Variants in CTNNA2 observed in about 807,000 individuals in gnomAD.
CTNNA2 encodes catenin alpha-2.
Under a neutral mutation model 101.0 loss-of-function variants are expected in CTNNA2, and 42 were observed. The observed-to-expected ratio is 0.42, with a 90% CI of 0.32 to 0.54. CTNNA2 has a LOEUF of 0.54. CTNNA2 is among the 20% of genes least tolerant of loss of function. CTNNA2 has a pLI of 0.14. For missense variants in CTNNA2, 871 were observed against 1,223.1 expected (o/e 0.71, Z 4.29); for synonymous variants, 450 against 456.4 (o/e 0.99, Z 0.18).
chr2:80,516,760 A>T (rs1170717084), intron 9 of CTNNA2, among the ~76,000 whole-genome samples: 1 of 152,196 alleles, frequency 6.6e-6, no homozygotes, highest in African/African-American at 2.4e-5. Context: ...CAAGGACAGA[A>T]TTTGGTCTCA....
intron 1 of CTNNA2, among the ~76,000 whole-genome samples, chr2:79,534,778 T>TA (rs1222192596): frequency 6.6e-6 from 1 of 152,082 alleles, no homozygotes; most frequent in African/African-American, 2.4e-5. Context: ...CTGTGTTTTA[T>TA]ATAGCTTTCC....
chr2:79,315,915 C>T (rs909993431), intron 3 of CTNNA2, among the ~76,000 whole-genome samples: 7 of 152,068 alleles, frequency 4.6e-5, no homozygotes, highest in East Asian at 1.9e-4. Context: ...TTTACCACCA[C>T]GTTATTATCT....
In CTNNA2 at chr2:80,429,282, T is replaced by G. The variant is rs149747957; in HGVS notation, c.1290+9681T>G. 7.0e-3 allele frequency among the ~76,000 whole-genome samples: 1,060 copies of G among 152,332 alleles called. 4 individuals carry two copies. Among genetic ancestry groups the G allele is most frequent in the Non-Finnish European group, 9.7e-3 (657 of 68,030 alleles). ...TTAAAATTAACTATTTATAACCTTATTTAATGCTTCTGACAACCTTATGAA... is the reference window on the plus strand; with the variant it reads ...TTAAAATTAACTATTTATAACCTTAGTTAATGCTTCTGACAACCTTATGAA... On this transcript the variant is annotated intron_variant, in intron 9 of 18. Coordinates refer to ENST00000402739, the MANE Select transcript of CTNNA2 (RefSeq NM_001282597.3).
At chr2:79,359,572 G>T (rs1000958923) in intron 3 of CTNNA2, among the ~76,000 whole-genome samples, 4 of 152,134 alleles carry the variant, frequency 2.6e-5, no homozygotes, top group African/African-American at 7.2e-5. Context: ...TGCTGAATAG[G>T]AGGAAAACCC....
chr2:80,313,585 C>T, intron 7 of CTNNA2: 2 of 1,611,144 alleles, frequency 1.2e-6, no homozygotes, highest in Non-Finnish European at 8.5e-7. Flanking sequence ...GAAGGCCACT[C>T]CAGTCAGTAG....
intron 8 of CTNNA2, among the ~76,000 whole-genome samples, chr2:80,419,229 C>A (rs952198378): frequency 6.6e-6 from 1 of 152,104 alleles, no homozygotes; most frequent in Non-Finnish European, 1.5e-5. Context: ...AGCAACAGGC[C>A]ATTATGTAAC....
At chr2:80,088,860 G>A (rs115683926) in intron 7 of CTNNA2, among the ~76,000 whole-genome samples, 1,623 of 152,140 alleles carry the variant, frequency 0.011, 33 homozygotes, top group African/African-American at 0.035. Context: ...TGTTAACTGA[G>A]ACCTACAGCT....
intron 3 of CTNNA2, among the ~76,000 whole-genome samples, chr2:79,338,182 G>T (rs992101553): frequency 6.9e-6 from 1 of 145,652 alleles, no homozygotes; most frequent in African/African-American, 2.5e-5. Context: ...GGAGACGGAG[G>T]TTGCAGTGAG....
chr2:79,444,451 T>A (rs946437512), intron 4 of CTNNA2, among the ~76,000 whole-genome samples: 1 of 152,084 alleles, frequency 6.6e-6, no homozygotes, highest in African/African-American at 2.4e-5. Context: ...GAGTGGAGCA[T>A]AATAGGCAGC....
rs74352374 is a variant in CTNNA2, at chr2:79,599,067, C to T, written c.-5-52485C>T. Among the ~76,000 whole-genome samples the T allele has an allele frequency of 2.6e-5, 4 of 152,156 alleles. 1 individual carries two copies. The highest frequency in any genetic ancestry group is 2.6e-4 in the Admixed American group (4 of 15,280). On this transcript the variant is annotated intron_variant, in intron 1 of 18. Coordinates refer to ENST00000402739, the MANE Select transcript of CTNNA2 (RefSeq NM_001282597.3). The stretch of plus-strand genomic sequence containing the variant: ...ACTTTTTGAAAAGAGTATCTTTGCT[C>T]CATTCTGTTGCCTTCTCTCTTTTGT...
chr2:80,387,577 T>C (rs1437449386), intron 7 of CTNNA2, among the ~76,000 whole-genome samples: 1 of 152,190 alleles, frequency 6.6e-6, no homozygotes, highest in East Asian at 1.9e-4. Context: ...TTGTTCTTTT[T>C]CTGAAGATTA....
At chr2:79,723,248 G>A (rs13019479) in intron 2 of CTNNA2, among the ~76,000 whole-genome samples, 66,948 of 151,740 alleles carry the variant, frequency 0.44, 15,508 homozygotes, top group African/African-American at 0.59. Context: ...AAATTAAAAG[G>A]TTTAGACCAG....
chr2:80,191,341 T>C (rs1706486577), intron 7 of CTNNA2, among the ~76,000 whole-genome samples: 1 of 152,246 alleles, frequency 6.6e-6, no homozygotes, highest in Non-Finnish European at 1.5e-5. Flanking sequence ...CTCTTCCTTA[T>C]TGGCTGTCTT....
chr2:79,920,749 C>G (rs1439522053), intron 7 of CTNNA2, among the ~76,000 whole-genome samples: 2 of 152,176 alleles, frequency 1.3e-5, no homozygotes, highest in African/African-American at 4.8e-5. Context: ...ATTTAAGGCC[C>G]TGTCAGAGGC....
chr2:80,438,959 G>A (rs963076099), intron 9 of CTNNA2, among the ~76,000 whole-genome samples: 55 of 152,324 alleles, frequency 3.6e-4, no homozygotes, highest in African/African-American at 1.3e-3. Flanking sequence ...CTGAGCAGCT[G>A]CCATTCTCTG....
At chr2:79,670,526 C>T (rs1392868509) in intron 2 of CTNNA2, among the ~76,000 whole-genome samples, 2 of 152,156 alleles carry the variant, frequency 1.3e-5, no homozygotes, top group Non-Finnish European at 2.9e-5. Flanking sequence ...ATGGCAGCAG[C>T]CACTGCCATT....
At chr2:80,381,006 CATAAAGTTTTCA>C (rs1676463078) in intron 7 of CTNNA2, among the ~76,000 whole-genome samples, 1 of 152,022 alleles carries the variant, frequency 6.6e-6, no homozygotes, top group Non-Finnish European at 1.5e-5. Flanking sequence ...CATTTTGCCT[CATAAAGTTTTCA>C]TTGGTTCCAA....
At chr2:80,057,121 G>A (rs898754454) in intron 7 of CTNNA2, among the ~76,000 whole-genome samples, 4 of 151,048 alleles carry the variant, frequency 2.6e-5, no homozygotes, top group East Asian at 1.9e-4. Context: ...AATTTACAAA[G>A]GTTTACATAA....
intron 7 of CTNNA2, among the ~76,000 whole-genome samples, chr2:80,014,718 A>G (rs1694020292): frequency 6.6e-6 from 1 of 152,196 alleles, no homozygotes; most frequent in Non-Finnish European, 1.5e-5. Context: ...CTTCTTTCAT[A>G]AATATTTGTC....
Sources: allele counts gnomAD v4.1 joint callset (sites outside exome capture counted in the v4.1 genomes callset), GRCh38; gene constraint gnomAD v4.1.1; transcripts MANE v1.5; gene names NCBI Gene and HGNC (gene_info 2026-07-23, HGNC 2026-07-21).